NLGN1: variants seen among roughly 807,000 people sequenced by gnomAD.
NLGN1 encodes the protein neuroligin-1.
In NLGN1, 12 loss-of-function variants were observed where a neutral mutation model predicts 65.5. The observed-to-expected ratio is 0.18, with a 90% CI of 0.12 to 0.30. NLGN1 has a LOEUF of 0.30. Ranked by LOEUF, NLGN1 falls within the 10% of genes least tolerant of loss-of-function variation. The pLI is 1.00. For synonymous variants in NLGN1, 350 were observed against 359.5 expected, an observed-to-expected ratio of 0.97 and a Z score of 0.30; for missense variants, 750 against 1,007.1, an observed-to-expected ratio of 0.74 and a Z score of 3.46.
At chr3:173,905,082 G>A (rs530721273) in intron 4 of NLGN1, among the ~76,000 whole-genome samples, 13 of 152,118 alleles carry the variant, frequency 8.5e-5, no homozygotes, top group Middle Eastern at 6.8e-3. Context: ...CTGGCTACCC[G>A]CCTGATGCAA....
At chr3:173,816,609 T>C (rs1041473034) in intron 4 of NLGN1, among the ~76,000 whole-genome samples, 6 of 152,256 alleles carry the variant, frequency 3.9e-5, no homozygotes, top group Admixed American at 3.9e-4. Flanking sequence ...CCATTATTCA[T>C]GTAGCATAAA....
intron 4 of NLGN1, among the ~76,000 whole-genome samples, chr3:174,187,345 G>A (rs1166390293): frequency 6.6e-6 from 1 of 151,840 alleles, no homozygotes; most frequent in Non-Finnish European, 1.5e-5. Flanking sequence ...AATAATACCA[G>A]GTTTTGTCTC....
chr3:173,692,035 T>C (rs372864304), intron 3 of NLGN1, among the ~76,000 whole-genome samples: 6 of 152,212 alleles, frequency 3.9e-5, no homozygotes, highest in African/African-American at 1.4e-4. Context: ...GTGGATTTAA[T>C]AGGTCAGAAA....
intron 2 of NLGN1, among the ~76,000 whole-genome samples, chr3:173,513,000 G>A (rs1039667456): frequency 6.6e-6 from 1 of 152,188 alleles, no homozygotes; most frequent in Non-Finnish European, 1.5e-5. Context: ...TCCCTGGACT[G>A]TGAACTTTCA....
intron 2 of NLGN1, among the ~76,000 whole-genome samples, chr3:173,569,774 C>A (rs1229710940): frequency 1.3e-5 from 2 of 152,040 alleles, no homozygotes; most frequent in Non-Finnish European, 2.9e-5. Flanking sequence ...CTGCTGGGGT[C>A]CATGACTGTC....
chr3:173,992,355 A>G (rs190546114), intron 4 of NLGN1, among the ~76,000 whole-genome samples: 1 of 149,784 alleles, frequency 6.7e-6, no homozygotes, highest in East Asian at 1.9e-4. Flanking sequence ...CTCAATAGCC[A>G]TAATTGAAGC....
Position 174,279,465 on chromosome 3 carries a change from T to G in NLGN1, c.1464T>G (p.Phe488Leu). 1 of 1,613,234 alleles carries G rather than the reference T, an allele frequency of 6.2e-7. No homozygotes were observed. The highest frequency in any genetic ancestry group is 8.5e-7 in the Non-Finnish European group (1 of 1,179,526). The change falls in exon 6 of 7, where the codon TTT becomes TTG. Residue 488 changes from phenylalanine to leucine, a missense_variant. Coordinates refer to ENST00000457714, the Ensembl canonical transcript of NLGN1. This position sits in a 1 kb window ranked among gnomAD's most constrained non-coding sequence, Gnocchi z 4.7. Reference sequence around the variant, plus strand: ...GTTCACCTACGTACTTCTATGCCTTTTACCATCATTGCCAAACAGATCAGG... The same window carrying G: ...GTTCACCTACGTACTTCTATGCCTTGTACCATCATTGCCAAACAGATCAGG...
chr3:173,705,623 A>G (rs919809780), intron 3 of NLGN1, among the ~76,000 whole-genome samples: 3 of 152,196 alleles, frequency 2.0e-5, no homozygotes, highest in Non-Finnish European at 2.9e-5. Flanking sequence ...GATGAGGAAA[A>G]TAGAAAATCT....
intron 2 of NLGN1, among the ~76,000 whole-genome samples, chr3:173,508,627 C>T (rs1016483170): frequency 6.6e-6 from 1 of 152,186 alleles, no homozygotes; most frequent in Non-Finnish European, 1.5e-5. Context: ...GAGCCCTCTA[C>T]TCCTGCCTTC....
At chr3:173,588,658 A>G (rs1027228246) in intron 2 of NLGN1, among the ~76,000 whole-genome samples, 4 of 152,164 alleles carry the variant, frequency 2.6e-5, no homozygotes, top group African/African-American at 9.7e-5. Flanking sequence ...GTTGCATGTG[A>G]GAGAAATTCT....
intron 1 of NLGN1, among the ~76,000 whole-genome samples, chr3:173,420,475 C>T (rs1440955574): frequency 6.6e-6 from 1 of 151,762 alleles, no homozygotes; most frequent in Non-Finnish European, 1.5e-5. Flanking sequence ...TCCAGTCTAT[C>T]ATTGTTGGAC....
chr3:174,189,436 A>G (rs999034718), intron 4 of NLGN1, among the ~76,000 whole-genome samples: 16 of 152,028 alleles, frequency 1.1e-4, no homozygotes, highest in African/African-American at 3.9e-4. Flanking sequence ...AGTAATTGTC[A>G]GTAATCAGAG....
chr3:173,779,378 G>A (rs1780791778), intron 3 of NLGN1, among the ~76,000 whole-genome samples: 1 of 151,890 alleles, frequency 6.6e-6, no homozygotes, highest in Non-Finnish European at 1.5e-5. Context: ...GATGATAACT[G>A]TGAATATATG....
intron 3 of NLGN1, among the ~76,000 whole-genome samples, chr3:173,629,316 A>G (rs1755314683): frequency 6.6e-6 from 1 of 151,770 alleles, no homozygotes; most frequent in Admixed American, 6.6e-5. Context: ...GGGCCTTGCT[A>G]TGTTGCCCAG....
intron 2 of NLGN1, among the ~76,000 whole-genome samples, chr3:173,494,362 A>G (rs1729674836): frequency 6.7e-6 from 1 of 148,500 alleles, no homozygotes; most frequent in Non-Finnish European, 1.5e-5. Context: ...TCTTTTTTTC[A>G]GTTGTTCTGC....
At chr3:173,910,596 C>T (rs1455080048) in intron 4 of NLGN1, 1 of 152,096 alleles carries the variant, frequency 6.6e-6, no homozygotes, top group African/African-American at 2.4e-5. Context: ...TAGATCTATA[C>T]AAGGTATGCA....
At chr3:173,773,606 T>C (rs1948161) in intron 3 of NLGN1, among the ~76,000 whole-genome samples, 108,940 of 152,078 alleles carry the variant, frequency 0.72, 39,957 homozygotes, top group Non-Finnish European at 0.79. Flanking sequence ...TTAATCAATA[T>C]GATTTTTATT....
intron 3 of NLGN1, among the ~76,000 whole-genome samples, chr3:173,629,548 A>G (rs1450322661): frequency 2.0e-5 from 3 of 152,214 alleles, no homozygotes; most frequent in Admixed American, 2.0e-4. Context: ...ATGATTAGTA[A>G]AAGAAAAATT....
chr3:173,890,608 G>A (rs1579017839), intron 4 of NLGN1, among the ~76,000 whole-genome samples: 2 of 152,134 alleles, frequency 1.3e-5, no homozygotes, highest in East Asian at 1.9e-4. Flanking sequence ...AAAGAAAATT[G>A]TTATTGCACT....
Sources: allele counts gnomAD v4.1 joint callset (sites outside exome capture counted in the v4.1 genomes callset), GRCh38; gene constraint gnomAD v4.1.1; non-coding constraint Gnocchi (gnomAD v3.1); transcripts MANE v1.5; gene names NCBI Gene and HGNC (gene_info 2026-07-23, HGNC 2026-07-21).